Variants in ANKRD45 observed in about 807,000 individuals in gnomAD.
ANKRD45 encodes the protein ankyrin repeat domain-containing protein 45.
Under a neutral mutation model 28.1 loss-of-function variants are expected in ANKRD45, and 21 were observed. The observed-to-expected ratio is 0.75, with a 90% CI of 0.53 to 1.08. The LOEUF (loss-of-function observed/expected upper bound fraction) is 1.08. ANKRD45 is among the 50% of genes least tolerant of loss of function. ANKRD45 has a pLI of 0.00. For missense variants in ANKRD45, 261 were observed against 308.7 expected, an observed-to-expected ratio of 0.85 and a Z score of 1.16; for synonymous variants, 86 against 103.9, an observed-to-expected ratio of 0.83 and a Z score of 1.05.
chr1:173,696,075 C>A, the ANKRD45 span, among the ~76,000 whole-genome samples: 42 of 152,172 alleles, frequency 2.8e-4, no homozygotes, highest in Non-Finnish European at 1.2e-4. Flanking sequence ...TATTCGTACA[C>A]TCCCTCCCCT....
intron 2 of ANKRD45, among the ~76,000 whole-genome samples, chr1:173,652,688 T>C (rs2102372934): frequency 6.6e-6 from 1 of 152,338 alleles, no homozygotes; most frequent in East Asian, 1.9e-4. Context: ...CTCCTCCTTG[T>C]AACTCTGGTA....
At chr1:173,682,720 C>CACACACACACACACACACACAT in the ANKRD45 span, among the ~76,000 whole-genome samples, 1 of 150,682 alleles carries the variant, frequency 6.6e-6, no homozygotes, top group Non-Finnish European at 1.5e-5. Context: ...CACACACACA[C>CACACACACACACACACACACAT]ACATCTTGGA....
At chr1:173,636,063 C>T (rs542017813) in intron 3 of ANKRD45, among the ~76,000 whole-genome samples, 76 of 152,138 alleles carry the variant, frequency 5.0e-4, no homozygotes, top group African/African-American at 1.7e-3. Flanking sequence ...ATCTAGCCCC[C>T]TCTACTTCAA....
chr1:173,657,577 A>C (rs1327490853), intron 2 of ANKRD45: 1 of 148,036 alleles, frequency 6.8e-6, no homozygotes, highest in African/African-American at 2.5e-5. Context: ...GGTATTATCA[A>C]TCCTTTCCTT....
At chr1:173,714,590 T>C in the ANKRD45 span, among the ~76,000 whole-genome samples, 2 of 152,190 alleles carry the variant, frequency 1.3e-5, no homozygotes, top group Admixed American at 1.3e-4. Flanking sequence ...CATGTGTGCA[T>C]GCAATAATTC....
intron 1 of ANKRD45, 71 bp from the exon 2 acceptor site, chr1:173,659,504 C>T: frequency 7.5e-7 from 1 of 1,324,792 alleles, no homozygotes; most frequent in Non-Finnish European, 1.0e-6. Flanking sequence ...TTTATTTGCT[C>T]AGTCAACTGA....
At chr1:173,697,485 G>T in the ANKRD45 span, among the ~76,000 whole-genome samples, 1 of 152,208 alleles carries the variant, frequency 6.6e-6, no homozygotes, top group African/African-American at 2.4e-5. Flanking sequence ...AACTCTATAA[G>T]CCAGAAGAGA....
At chr1:173,684,818 G>A in the ANKRD45 span, among the ~76,000 whole-genome samples, 284 of 152,286 alleles carry the variant, frequency 1.9e-3, 3 homozygotes, top group African/African-American at 6.7e-3. Context: ...TAATTGTTCA[G>A]GTATTCCTTT....
At chr1:173,671,598 C>T (rs1412976107), upstream of ANKRD45, among the ~76,000 whole-genome samples, 2 of 151,826 alleles carry the variant, frequency 1.3e-5, no homozygotes, top group East Asian at 1.9e-4. Context: ...AGGCCGGGCA[C>T]GGTGGCTCAT....
At chr1:173,712,053 T>C in the ANKRD45 span, among the ~76,000 whole-genome samples, 2 of 152,214 alleles carry the variant, frequency 1.3e-5, no homozygotes, top group African/African-American at 4.8e-5. Context: ...TTAATTCATA[T>C]TACGGAAAAA....
intron 5 of ANKRD45, among the ~76,000 whole-genome samples, chr1:173,617,900 A>G (rs1667532957): frequency 2.0e-5 from 3 of 152,136 alleles, no homozygotes; most frequent in Admixed American, 2.0e-4. Context: ...TCAATACCCC[A>G]CTGGGACAAA....
chr1:173,701,382 C>T, the ANKRD45 span, among the ~76,000 whole-genome samples: 3 of 152,254 alleles, frequency 2.0e-5, no homozygotes, highest in East Asian at 1.9e-4. Flanking sequence ...ATGTTTACTG[C>T]GGCACTATTC....
chr1:173,626,724 T>C (rs906115039), intron 4 of ANKRD45, among the ~76,000 whole-genome samples: 4 of 152,166 alleles, frequency 2.6e-5, no homozygotes, highest in Non-Finnish European at 5.9e-5. Flanking sequence ...AATTATATAG[T>C]TTGATATTGC....
intron 5 of ANKRD45, among the ~76,000 whole-genome samples, chr1:173,614,518 A>G (rs1226234376): frequency 6.6e-6 from 1 of 152,164 alleles, no homozygotes; most frequent in Non-Finnish European, 1.5e-5. Context: ...TGATGGAATT[A>G]TGCAATATAT....
chr1:173,701,847 T>C, the ANKRD45 span, among the ~76,000 whole-genome samples: 1 of 152,082 alleles, frequency 6.6e-6, no homozygotes, highest in Non-Finnish European at 1.5e-5. Flanking sequence ...AAATTAGAAT[T>C]AAATTAAAAA....
At chr1:173,633,119 T>A (rs1231277294) in intron 3 of ANKRD45, among the ~76,000 whole-genome samples, 1 of 151,906 alleles carries the variant, frequency 6.6e-6, no homozygotes, top group Non-Finnish European at 1.5e-5. Context: ...CAAACAATTA[T>A]TAGAACTGAT....
the ANKRD45 span, among the ~76,000 whole-genome samples, chr1:173,691,475 C>G: frequency 1.4e-4 from 21 of 152,162 alleles, no homozygotes; most frequent in Non-Finnish European, 2.6e-4. Context: ...ATTTTTAACT[C>G]TCAGCAAGGC....
At chr1:173,649,997 A>G (rs917162491) in intron 2 of ANKRD45, among the ~76,000 whole-genome samples, 4 of 152,200 alleles carry the variant, frequency 2.6e-5, no homozygotes, top group Middle Eastern at 3.2e-3. Flanking sequence ...ATTAAGAGAA[A>G]CAGCGTTATG....
chr1:173,642,768 T>C (rs1668755941), intron 3 of ANKRD45, among the ~76,000 whole-genome samples: 1 of 152,220 alleles, frequency 6.6e-6, no homozygotes, highest in African/African-American at 2.4e-5. Flanking sequence ...TGTTCTCCTC[T>C]GCCTTTGCCT....
Sources: allele counts gnomAD v4.1 joint callset (sites outside exome capture counted in the v4.1 genomes callset), GRCh38; gene constraint gnomAD v4.1.1; transcripts MANE v1.5; gene names NCBI Gene and HGNC (gene_info 2026-07-23, HGNC 2026-07-21).